FAM135B: variants seen among roughly 807,000 people sequenced by gnomAD.
FAM135B encodes protein FAM135B.
Under a neutral mutation model 127.7 loss-of-function variants are expected in FAM135B, and 43 were observed. The observed-to-expected ratio is 0.34, with a 90% CI of 0.26 to 0.43. The LOEUF (loss-of-function observed/expected upper bound fraction) is 0.43. Ranked by LOEUF, FAM135B falls within the 20% of genes least tolerant of loss-of-function variation. The pLI is 1.00. For synonymous variants in FAM135B, 670 were observed against 665.1 expected (o/e 1.01, Z -0.11); for missense variants, 1,558 against 1,725.6 (o/e 0.90, Z 1.72).
chr8:138,302,398 A>G (rs1825953240), intron 3 of FAM135B, among the ~76,000 whole-genome samples: 1 of 151,700 alleles, frequency 6.6e-6, no homozygotes, highest in Admixed American at 6.6e-5. Flanking sequence ...TTTGCTTAAA[A>G]CTCATTGTAC....
At chr8:138,384,608 C>G (rs1832069784) in intron 1 of FAM135B, among the ~76,000 whole-genome samples, 1 of 151,636 alleles carries the variant, frequency 6.6e-6, no homozygotes, top group African/African-American at 2.4e-5. Context: ...CAAGTAACTA[C>G]AGAGAGAGAG....
intron 3 of FAM135B, among the ~76,000 whole-genome samples, chr8:138,300,933 G>T (rs1825841453): frequency 6.6e-6 from 1 of 151,862 alleles, no homozygotes; most frequent in African/African-American, 2.4e-5. Context: ...TGTATTTTTA[G>T]TAAGGGCGGG....
In FAM135B at chr8:138,152,288, C is replaced by G. The variant is rs2130763693; in HGVS notation, c.2187G>C (p.Glu729Asp). ...RRHALHRNSL[E>D]GGHTESNTSL... ...TTGTGTTACTTTCTGTGTGTCCACC[C>G]TCTAGGGAGTTCCGGTGGAGGGCAT... The change falls in exon 13 of 20, where the codon GAG becomes GAC. Residue 729 changes from glutamate to aspartate, a missense_variant. Around this residue, in one of 5 missense-constraint regions of FAM135B, gnomAD observed 923 missense variants for 865.3 expected, o/e 1.07. Transcript: ENST00000395297. The G allele has an allele frequency of 6.2e-7, 1 of 1,614,088 alleles. No homozygotes were observed. The highest frequency in any genetic ancestry group is 8.5e-7 in the Non-Finnish European group (1 of 1,180,026).
At chr8:138,471,853 G>A (rs1473585374) in intron 1 of FAM135B, among the ~76,000 whole-genome samples, 1 of 152,080 alleles carries the variant, frequency 6.6e-6, no homozygotes, top group Non-Finnish European at 1.5e-5. Context: ...ATGAAAACAA[G>A]TATTATATGA....
chr8:138,237,414 G>A (rs1414127262), intron 7 of FAM135B, among the ~76,000 whole-genome samples: 1 of 152,074 alleles, frequency 6.6e-6, no homozygotes, highest in Non-Finnish European at 1.5e-5. Context: ...GCCCGCCTCG[G>A]CCTCCCAAAG....
intron 1 of FAM135B, among the ~76,000 whole-genome samples, chr8:138,482,686 A>G (rs72725662): frequency 3.9e-5 from 6 of 152,260 alleles, no homozygotes; most frequent in African/African-American, 1.2e-4. Context: ...TTAGGTAGAC[A>G]TATTGTTCTT....
intron 2 of FAM135B, among the ~76,000 whole-genome samples, chr8:138,332,822 C>T (rs1440302292): frequency 1.3e-5 from 2 of 152,136 alleles, no homozygotes; most frequent in African/African-American, 2.4e-5. Context: ...GCTGGCGGCG[C>T]TTTCTCAACA....
chr8:138,152,875 C>T lies in FAM135B; in HGVS notation c.1600G>A (p.Val534Met), dbSNP rs765327216. Residue 534 changes from valine (V) to methionine (M), a missense_variant, in exon 13 of 20, where the codon GTG becomes ATG. By Grantham distance (21) the Val-to-Met change is conservative (BLOSUM62 1). Coordinates refer to ENST00000395297, the MANE Select transcript of FAM135B (RefSeq NM_015912.4). ...SDAGTYPVAD[V>M]DTSRRSPGPE... Reference sequence around the variant, plus strand: ...CCTGGACTCCTTCTAGAAGTATCCACATCTGCCACTGGATATGTCCCAGCA... The same window carrying T: ...CCTGGACTCCTTCTAGAAGTATCCATATCTGCCACTGGATATGTCCCAGCA... 6 of 1,614,136 alleles carry T rather than the reference C, an allele frequency of 3.7e-6. No homozygotes were observed. Among genetic ancestry groups the T allele is most frequent in the African/African-American group, 1.3e-5 (1 of 74,950 alleles).
intron 3 of FAM135B, among the ~76,000 whole-genome samples, chr8:138,285,003 T>C (rs550014930): frequency 9.2e-5 from 14 of 152,134 alleles, no homozygotes; most frequent in Admixed American, 7.2e-4. Context: ...CATTAACTCA[T>C]TGACCATTTT....
At position 138,243,128 on chromosome 8, in the gene FAM135B, A is replaced by T. The variant is rs1024799651; in HGVS notation, c.543-60T>A. 1 of 1,558,252 alleles carries T rather than the reference A, an allele frequency of 6.4e-7. No individual in the cohort carries two copies. Among genetic ancestry groups the T allele is most frequent in the East Asian group, 2.3e-5 (1 of 44,006 alleles). ...GGTAAAGAAAGTGATGGTGCCATTA[A>T]CTCAGCCCCTTTGAGGAGTGTTCCT... On this transcript the variant is annotated intron_variant, in intron 6 of 19. Transcript: ENST00000395297. This position sits in a 1 kb window ranked among gnomAD's most constrained non-coding sequence, Gnocchi z 7.5.
At position 138,232,864 on chromosome 8, in the gene FAM135B, G is replaced by A. The variant is rs544363112; in HGVS notation, c.669+10078C>T. ...GTTCAATACAGTATTTTTAATATAGGCACAATGTTGTACAGCAGATATCTA... is the reference window on the plus strand; with the variant it reads ...GTTCAATACAGTATTTTTAATATAGACACAATGTTGTACAGCAGATATCTA... On this transcript the variant is annotated intron_variant, in intron 7 of 19. Coordinates refer to ENST00000395297, the MANE Select transcript of FAM135B (RefSeq NM_015912.4). Among the ~76,000 whole-genome samples the A allele has an allele frequency of 1.2e-3, 184 of 151,940 alleles. 1 individual carries two copies. The highest frequency in any genetic ancestry group is 3.4e-3 in the Middle Eastern group (1 of 292).
At chr8:138,437,297 A>T (rs749947692) in intron 1 of FAM135B, 1 of 152,200 alleles carries the variant, frequency 6.6e-6, no homozygotes, top group East Asian at 1.9e-4. Flanking sequence ...CCCAAAACTC[A>T]TCTTGAATTA....
Position 138,224,680 on chromosome 8 carries a change from C to T in FAM135B, c.669+18262G>A, listed in dbSNP as rs564130684. Among the ~76,000 whole-genome samples, 98 of 152,228 alleles carry T rather than the reference C, an allele frequency of 6.4e-4. 1 individual carries two copies. Among genetic ancestry groups the T allele is most frequent in the Middle Eastern group, 3.4e-3 (1 of 294 alleles). On this transcript the variant is annotated intron_variant, in intron 7 of 19. Transcript: ENST00000395297. ...TATGGACTTGATGTTTGTGTCTCCC[C>T]AAAGTTCGTATGTTGAAGTCTTATT... is the stretch of plus-strand genomic sequence containing the variant.
rs1816283713 is a variant in FAM135B, at chr8:138,132,438, AACAAAAGCACCTCTC to A, written c.*140_*154del. The stretch of plus-strand genomic sequence containing the variant: ...TTGCTCAGCTTTCTCGAATCTCCAA[AACAAAAGCACCTCTC>A]ATGTCAGGTTCCACCCGAGCCTCCG... On this transcript the variant is annotated 3_prime_UTR_variant, in exon 20 of 20. Coordinates refer to ENST00000395297, the MANE Select transcript of FAM135B (RefSeq NM_015912.4). The surrounding 1 kb of genome is among the most constrained non-coding windows in gnomAD (Gnocchi z 4.5). The A allele has an allele frequency of 4.6e-6, 3 of 654,226 alleles. No homozygotes were observed. The highest frequency in any genetic ancestry group is 8.0e-6 in the Non-Finnish European group (3 of 373,614). 40.5% of individuals were successfully genotyped at this position (654,226 alleles called of 1,614,324 possible). A position where few individuals can be genotyped will look rare whatever the true frequency, so the allele number is the denominator to read the frequency against.
At chr8:138,245,981 C>T (rs760191818) in intron 6 of FAM135B, among the ~76,000 whole-genome samples, 52 of 152,260 alleles carry the variant, frequency 3.4e-4, no homozygotes, top group Admixed American at 1.3e-3. Flanking sequence ...TTCTTGGGAA[C>T]TGGAACAAAG....
chr8:138,190,561 C>T (rs1276374968), intron 9 of FAM135B, among the ~76,000 whole-genome samples: 1 of 152,224 alleles, frequency 6.6e-6, no homozygotes, highest in East Asian at 1.9e-4. Flanking sequence ...AAAGCTGCGT[C>T]TTTAAGCGAA....
intron 3 of FAM135B, among the ~76,000 whole-genome samples, chr8:138,272,219 G>A (rs991552190): frequency 2.0e-5 from 3 of 152,064 alleles, no homozygotes; most frequent in Non-Finnish European, 2.9e-5. Flanking sequence ...AAAAAAATCT[G>A]AGAATGACAG....
At chr8:138,195,909 C>T (rs922855046) in intron 8 of FAM135B, among the ~76,000 whole-genome samples, 9 of 152,166 alleles carry the variant, frequency 5.9e-5, no homozygotes, top group Admixed American at 2.6e-4. Flanking sequence ...CATTTGCACA[C>T]GGCTCTGGCA....
chr8:138,369,471 T>G lies in FAM135B; in HGVS notation c.-19-1469A>C, dbSNP rs569111240. ...TTAACTGCATCTCAGCTCAGGCAAA[T>G]GTTTCATCCGGGAAATATTTCTAGA... On this transcript the variant is annotated intron_variant, in intron 1 of 19. Transcript: ENST00000395297. 7.2e-5 allele frequency among the ~76,000 whole-genome samples: 11 copies of G among 152,256 alleles called. No homozygotes were observed. In the South Asian group the frequency reaches 2.3e-3, roughly 32 times the overall value.
Sources: gnomAD v4.1 joint callset for allele counts (sites outside exome capture counted in the v4.1 genomes callset) on GRCh38, gnomAD v4.1.1 for gene constraint, gnomAD v4.1.1 regional missense constraint, Gnocchi (gnomAD v3.1) non-coding constraint, MANE v1.5 for transcripts, NCBI Gene and HGNC (gene_info 2026-07-23, HGNC 2026-07-21) for gene names.